The following FGF12 variants were observed in gnomAD, a reference collection of about 807,000 sequenced individuals.
FGF12 encodes fibroblast growth factor 12.
FGF12 carries 14 observed loss-of-function variants against 23.6 expected under a neutral mutation model. That is an observed-to-expected ratio of 0.59 (90% CI 0.39 to 0.93). The LOEUF (loss-of-function observed/expected upper bound fraction) is 0.93. FGF12 is among the 40% of genes least tolerant of loss of function. FGF12 has a pLI of 0.00. For synonymous variants in FGF12, 62 were observed against 77.3 expected, an observed-to-expected ratio of 0.80 and a Z score of 1.04; for missense variants, 175 against 217.8, an observed-to-expected ratio of 0.80 and a Z score of 1.24.
intron 2 of FGF12, among the ~76,000 whole-genome samples, chr3:192,543,223 C>G (rs1206767987): frequency 1.3e-5 from 2 of 152,192 alleles, no homozygotes; most frequent in African/African-American, 4.8e-5. Flanking sequence ...AGCCACAAGA[C>G]TAAGTCCTTC....
chr3:192,467,331 G>A (rs1723040036), intron 2 of FGF12, among the ~76,000 whole-genome samples: 1 of 152,170 alleles, frequency 6.6e-6, no homozygotes. Flanking sequence ...ATCGGCTTAG[G>A]TGAATTCTGA....
rs1226380285 is a variant in FGF12 at position 192,588,116 on chromosome 3, T to TG, written c.13+139064dup. 2.7e-5 allele frequency among the ~76,000 whole-genome samples: 4 copies of TG among 150,884 alleles called. 1 individual carries two copies. The highest frequency in any genetic ancestry group is 4.9e-5 in the African/African-American group (2 of 41,146). On this transcript the variant is annotated intron_variant, in intron 2 of 5. Transcript: ENST00000445105. Reference sequence around the variant, plus strand: ...ATCGCAGCACTTTAGGAGGCCGAGGTGGGTGAATAACCAGGTCAGGAGACC... The same window carrying TG: ...ATCGCAGCACTTTAGGAGGCCGAGGTGGGGTGAATAACCAGGTCAGGAGACC...
intron 2 of FGF12, among the ~76,000 whole-genome samples, chr3:192,525,746 C>T (rs987966858): frequency 1.3e-5 from 2 of 152,112 alleles, no homozygotes; most frequent in African/African-American, 4.8e-5. Context: ...GAACTTAACT[C>T]CATCCATGTC....
chr3:192,191,835 C>CAA (rs66475128), intron 4 of FGF12, among the ~76,000 whole-genome samples: 9 of 101,462 alleles, frequency 8.9e-5, no homozygotes, highest in African/African-American at 2.3e-4. Context: ...GACTCCGTCT[C>CAA]AAAAAAAAAA....
Position 192,580,351 on chromosome 3 carries a change from T to G in FGF12, c.13+146830A>C, listed in dbSNP as rs1026390777. On this transcript the variant is annotated intron_variant, in intron 2 of 5. Transcript: ENST00000445105. ...TTTTTTGCAAATGTTATGAAATCCCTTATAAAAAATGATTAGAGATGAAAA... is the reference window on the plus strand; with the variant it reads ...TTTTTTGCAAATGTTATGAAATCCCGTATAAAAAATGATTAGAGATGAAAA... Among the ~76,000 whole-genome samples, 41 of 151,838 alleles carry G rather than the reference T, an allele frequency of 2.7e-4. 1 individual carries two copies. Among genetic ancestry groups the G allele is most frequent in the Non-Finnish European group, 8.8e-5 (6 of 67,968 alleles).
chr3:192,687,667 TGTGCATGTGTAA>T (rs1165292871), intron 2 of FGF12, among the ~76,000 whole-genome samples: 1 of 152,072 alleles, frequency 6.6e-6, no homozygotes, highest in Non-Finnish European at 1.5e-5. Flanking sequence ...CCCCTGTACC[TGTGCATGTGTAA>T]GTAGCAGGCC....
intron 2 of FGF12, among the ~76,000 whole-genome samples, chr3:192,597,595 A>G (rs1284978168): frequency 6.6e-6 from 1 of 152,230 alleles, no homozygotes; most frequent in Admixed American, 6.5e-5. Context: ...GAAAGGAAAT[A>G]TACATAATTA....
intron 4 of FGF12, among the ~76,000 whole-genome samples, chr3:192,178,752 C>A (rs35989373): frequency 0.092 from 13,982 of 152,228 alleles, 667 homozygotes; most frequent in East Asian, 0.13. Context: ...TCCACCTTGG[C>A]CTCCCAAAGT....
chr3:192,352,231 A>G (rs1212830668), intron 3 of FGF12, among the ~76,000 whole-genome samples: 2 of 152,302 alleles, frequency 1.3e-5, no homozygotes, highest in South Asian at 2.1e-4. Context: ...AGATCCCCAT[A>G]GAAATAGGCT....
At chr3:192,252,041 G>T (rs1028200577) in intron 4 of FGF12, among the ~76,000 whole-genome samples, 1 of 152,114 alleles carries the variant, frequency 6.6e-6, no homozygotes, top group Non-Finnish European at 1.5e-5. Flanking sequence ...CAAGATGACA[G>T]GTAATTGCAT....
At chr3:192,445,347 C>T (rs998134085) in intron 2 of FGF12, among the ~76,000 whole-genome samples, 33 of 152,286 alleles carry the variant, frequency 2.2e-4, no homozygotes, top group African/African-American at 7.2e-4. Flanking sequence ...GCACACTGTG[C>T]GCTCCAGTTA....
intron 4 of FGF12, among the ~76,000 whole-genome samples, chr3:192,310,696 C>T (rs1026369269): frequency 1.3e-5 from 2 of 152,122 alleles, no homozygotes; most frequent in Admixed American, 6.6e-5. Flanking sequence ...CTCAAATGTA[C>T]CACCTCATTA....
chr3:192,410,999 C>G (rs1721182273), intron 2 of FGF12, among the ~76,000 whole-genome samples: 1 of 152,094 alleles, frequency 6.6e-6, no homozygotes, highest in South Asian at 2.1e-4. Flanking sequence ...AGACACTTCA[C>G]GAAGCATCTA....
At chr3:192,291,824 C>A (rs768178638) in intron 4 of FGF12, among the ~76,000 whole-genome samples, 8 of 152,024 alleles carry the variant, frequency 5.3e-5, no homozygotes, top group Admixed American at 2.0e-4. Flanking sequence ...AGTTATGTAA[C>A]CTTTGACACA....
intron 2 of FGF12, among the ~76,000 whole-genome samples, chr3:192,470,640 C>T (rs1458895198): frequency 2.0e-5 from 3 of 152,180 alleles, no homozygotes; most frequent in Non-Finnish European, 4.4e-5. Flanking sequence ...CCTCCTGCCT[C>T]GGCCTCCTGA....
At chr3:192,345,827 G>T (rs972461242) in intron 3 of FGF12, among the ~76,000 whole-genome samples, 4 of 152,108 alleles carry the variant, frequency 2.6e-5, no homozygotes, top group Admixed American at 6.6e-5. Flanking sequence ...GAACCATCCT[G>T]CTCAAAAGGT....
At chr3:192,282,561 T>C (rs1216491091) in intron 4 of FGF12, among the ~76,000 whole-genome samples, 2 of 152,106 alleles carry the variant, frequency 1.3e-5, no homozygotes, top group Non-Finnish European at 2.9e-5. Context: ...TATATCTTTG[T>C]TTTCACTGTG....
intron 4 of FGF12, among the ~76,000 whole-genome samples, chr3:192,251,083 A>AT (rs1711976473): frequency 6.6e-6 from 1 of 152,164 alleles, no homozygotes; most frequent in Non-Finnish European, 1.5e-5. Flanking sequence ...TGAGTCAATA[A>AT]TGGAGCTACT....
intron 4 of FGF12, among the ~76,000 whole-genome samples, chr3:192,236,036 C>T (rs550624845): frequency 6.6e-6 from 1 of 152,160 alleles, no homozygotes; most frequent in East Asian, 1.9e-4. Flanking sequence ...TAGCTATGTC[C>T]CAGAGATTCT....
Sources: gnomAD v4.1 joint callset for allele counts (sites outside exome capture counted in the v4.1 genomes callset) on GRCh38, gnomAD v4.1.1 for gene constraint, MANE v1.5 for transcripts, NCBI Gene and HGNC (gene_info 2026-07-23, HGNC 2026-07-21) for gene names.